Variants in CDC16 observed in about 807,000 individuals in gnomAD.
The protein encoded by CDC16 is cell division cycle protein 16 homolog.
In CDC16, 34 loss-of-function variants were observed where a neutral mutation model predicts 87.0. That is an observed-to-expected ratio of 0.39 (90% CI 0.30 to 0.52). The LOEUF (loss-of-function observed/expected upper bound fraction) is 0.52. CDC16 is among the 20% of genes least tolerant of loss of function. CDC16 has a pLI of 0.74. For missense variants in CDC16, 653 were observed against 751.9 expected, an observed-to-expected ratio of 0.87 and a Z score of 1.54; for synonymous variants, 263 against 260.6, an observed-to-expected ratio of 1.01 and a Z score of -0.09.
At chr13:114,242,033 CAG>C (rs2138891951) in intron 5 of CDC16, 86 bp from the exon 6 acceptor site, 2 of 1,445,558 alleles carry the variant, frequency 1.4e-6, no homozygotes, top group East Asian at 4.6e-5. Flanking sequence ...GCCTGGGAGA[CAG>C]AGTGAGACTC....
intron 9 of CDC16, 196 bp from the exon 10 acceptor site, chr13:114,245,804 G>T: frequency 1.9e-6 from 1 of 526,122 alleles, no homozygotes. Context: ...GGGGGTGTCT[G>T]TTCCCACCTT....
At chr13:114,250,746 A>G (rs2082127653) in intron 12 of CDC16, 72 bp downstream of exon 12, 1 of 1,434,770 alleles carries the variant, frequency 7.0e-7, no homozygotes. Context: ...TTCTATTACT[A>G]TTACTGCTAT....
In CDC16 at chr13:114,272,433, A is replaced by G; in HGVS notation, c.1853A>G (p.His618Arg). ...ATGTTAGAGACATCTATGTCAGACC[A>G]CAGCACGTGACTCCAGTCAGTGGTC... ...DMMLETSMSD[H>R]ST The change falls in exon 18 of 18, where the codon CAC (histidine) becomes CGC (arginine). Residue 618 changes from histidine to arginine, a missense_variant. His to Arg is a conservative substitution (Grantham distance 29). Coordinates refer to ENST00000356221, the MANE Select transcript of CDC16 (RefSeq NM_001078645.3). The G allele has an allele frequency of 6.2e-7, 1 of 1,613,678 alleles. No individual in the cohort carries two copies. The highest frequency in any genetic ancestry group is 1.1e-5 in the South Asian group (1 of 91,016).
In CDC16 at chr13:114,234,992, CA is replaced by C. The variant is rs1235043058; in HGVS notation, c.-92del. ...AGTCCTGGGGCGGCGGCGGCGGCTG[CA>C]GGCACGGGCACGGGCACGGGGCGGG... On this transcript the variant is annotated 5_prime_UTR_variant, in exon 1 of 18. Coordinates refer to ENST00000356221, the MANE Select transcript of CDC16 (RefSeq NM_001078645.3). 107 of 1,061,368 alleles carry C rather than the reference CA, an allele frequency of 1.0e-4. No individual in the cohort carries two copies. The Middle Eastern group carries it at 2.0e-3, about 20-fold the overall frequency. The allele number at this position is 1,061,368 out of a possible 1,614,324, so 65.7% of individuals were successfully genotyped here. A position where few individuals can be genotyped will look rare whatever the true frequency, so the allele number is the denominator to read the frequency against.
At chr13:114,255,880 C>T (rs1226522501) in intron 12 of CDC16, among the ~76,000 whole-genome samples, 3 of 152,210 alleles carry the variant, frequency 2.0e-5, no homozygotes, top group African/African-American at 7.2e-5. Context: ...ATTCCTTTCA[C>T]CTTAGCCTCC....
At chr13:114,257,566 T>A (rs17338145) in intron 13 of CDC16, among the ~76,000 whole-genome samples, 2 of 152,182 alleles carry the variant, frequency 1.3e-5, no homozygotes, top group Non-Finnish European at 2.9e-5. Context: ...TTTACGTATT[T>A]GAGAAGAATT....
intron 9 of CDC16, 183 bp from the exon 10 acceptor site, chr13:114,245,817 C>T: frequency 1.8e-6 from 1 of 542,674 alleles, no homozygotes; most frequent in Non-Finnish European, 3.3e-6. Flanking sequence ...CCCACCTTGC[C>T]CACAGTGTGT....
intron 3 of CDC16, among the ~76,000 whole-genome samples, chr13:114,238,298 G>A (rs1009223286): frequency 7.2e-5 from 10 of 138,498 alleles, no homozygotes; most frequent in Non-Finnish European, 1.4e-4. Flanking sequence ...CTCCTCGGAC[G>A]CCCAGCAGTT....
intron 17 of CDC16, among the ~76,000 whole-genome samples, chr13:114,271,106 A>T (rs1434135908): frequency 1.3e-5 from 2 of 151,380 alleles, no homozygotes; most frequent in African/African-American, 4.9e-5. Context: ...TATTTTTAGT[A>T]GAGACGGGGT....
chr13:114,240,642 GC>G (rs2081499722), intron 5 of CDC16, among the ~76,000 whole-genome samples: 1 of 152,208 alleles, frequency 6.6e-6, no homozygotes, highest in Non-Finnish European at 1.5e-5. Context: ...ACAGTCATGA[GC>G]CACTGCACCT....
intron 13 of CDC16, among the ~76,000 whole-genome samples, chr13:114,258,981 C>G (rs368084864): frequency 6.6e-6 from 1 of 151,650 alleles, no homozygotes; most frequent in East Asian, 1.9e-4. Flanking sequence ...ACCTGTAATC[C>G]CAGCTGTGTC....
At position 114,272,233 on chromosome 13, in the gene CDC16, A is replaced by G; in HGVS notation, c.1653A>G (p.Thr551=). ...KLKCYDFDVH[T]MKTLKNIISP... is the part of the protein sequence containing the mutation. Reference sequence around the variant, plus strand: ...AATGTTATGACTTTGATGTGCATACAATGAAGACACTAAAAAACATTATTT... The same window carrying G: ...AATGTTATGACTTTGATGTGCATACGATGAAGACACTAAAAAACATTATTT... The change falls in exon 18 of 18, where the codon ACA becomes ACG. Residue 551 remains threonine (T), a synonymous_variant. Transcript: ENST00000356221. 1.2e-6 allele frequency: 2 copies of G among 1,604,426 alleles called. No homozygotes were observed. The highest frequency in any genetic ancestry group is 2.2e-5 in the East Asian group (1 of 44,840).
At position 114,268,533 on chromosome 13, in the gene CDC16, C is replaced by G. The variant is rs539509898; in HGVS notation, c.1603+3293C>G. On this transcript the variant is annotated intron_variant, in intron 17 of 17. Coordinates refer to ENST00000356221, the MANE Select transcript of CDC16 (RefSeq NM_001078645.3). ...AATGAAGGATTGGTCTGTGGCAGAT[C>G]AGAGGCTGAAGTGAAGTTACACCCT... is the stretch of plus-strand genomic sequence containing the variant. Among the ~76,000 whole-genome samples, 4 of 152,290 alleles carry G rather than the reference C, an allele frequency of 2.6e-5. No individual in the cohort carries two copies. The South Asian group carries it at 8.3e-4, about 32-fold the overall frequency.
In CDC16 at chr13:114,272,597, C is replaced by CA. The variant is rs2083758586; in HGVS notation, c.*155dup. 3.3e-6 allele frequency: 2 copies of CA among 597,504 alleles called. No homozygotes were observed. The highest frequency in any genetic ancestry group is 3.3e-5 in the Admixed American group (1 of 29,986). 37.0% of individuals were successfully genotyped at this position (597,504 alleles called of 1,614,324 possible). A position where few individuals can be genotyped will look rare whatever the true frequency, so the allele number is the denominator to read the frequency against. On this transcript the variant is annotated 3_prime_UTR_variant, in exon 18 of 18. Coordinates refer to ENST00000356221, the MANE Select transcript of CDC16 (RefSeq NM_001078645.3). ...ACCCGCCTTAAGAGACTGGATCGCACACCTTTGCAACAGATGTGTTCTGAT... is the reference window on the plus strand; with the variant it reads ...ACCCGCCTTAAGAGACTGGATCGCACAACCTTTGCAACAGATGTGTTCTGAT...
chr13:114,250,001 C>T (rs1019225060), intron 11 of CDC16, among the ~76,000 whole-genome samples: 1 of 152,006 alleles, frequency 6.6e-6, no homozygotes, highest in East Asian at 1.9e-4. Context: ...TTTTTGAGGC[C>T]ATCTCCTTAT....
chr13:114,239,780 C>G (rs999511492), intron 5 of CDC16, among the ~76,000 whole-genome samples: 1 of 151,856 alleles, frequency 6.6e-6, no homozygotes, highest in African/African-American at 2.4e-5. Flanking sequence ...TTTTTCTTCT[C>G]CTTTCTGTGT....
intron 7 of CDC16, among the ~76,000 whole-genome samples, chr13:114,243,607 A>AT (rs1426002588): frequency 6.6e-6 from 1 of 152,148 alleles, no homozygotes; most frequent in Non-Finnish European, 1.5e-5. Context: ...GGAAATGAAG[A>AT]TTTTTTTGTT....
At chr13:114,240,916 ATTAT>A (rs1226913807) in intron 5 of CDC16, among the ~76,000 whole-genome samples, 1 of 152,174 alleles carries the variant, frequency 6.6e-6, no homozygotes, top group African/African-American at 2.4e-5. Context: ...GCAACGCATT[ATTAT>A]TTATTTTGTG....
chr13:114,240,449 T>C (rs1050289926), intron 5 of CDC16, among the ~76,000 whole-genome samples: 3 of 152,148 alleles, frequency 2.0e-5, no homozygotes, highest in Non-Finnish European at 4.4e-5. Flanking sequence ...GACCTCGTGG[T>C]TTGCCCACCT....
Sources: allele counts gnomAD v4.1 joint callset (sites outside exome capture counted in the v4.1 genomes callset), GRCh38; gene constraint gnomAD v4.1.1; transcripts MANE v1.5; gene names NCBI Gene and HGNC (gene_info 2026-07-23, HGNC 2026-07-21).